The following CGNL1 variants were observed in gnomAD, a reference collection of about 807,000 sequenced individuals.
CGNL1 encodes cingulin like 1, also known as cingulin-like protein 1.
CGNL1 carries 132 observed loss-of-function variants against 141.2 expected under a neutral mutation model. The observed-to-expected ratio is 0.93, with a 90% CI of 0.81 to 1.08. The LOEUF (loss-of-function observed/expected upper bound fraction) is 1.08, where lower values mean the gene tolerates loss of function less well. Among genes scored for constraint, CGNL1 ranks in the 50% least tolerant of loss-of-function variants. The probability of loss-of-function intolerance (pLI) is 0.00; values close to 1 mark genes in which losing one functional copy is unlikely to be tolerated. For missense variants in CGNL1, 1,870 were observed against 1,588.6 expected (o/e 1.18, Z -3.01); for synonymous variants, 690 against 622.1 (o/e 1.11, Z -1.63).
At chr15:57,409,738 G>T (rs2062764875) in intron 1 of CGNL1, among the ~76,000 whole-genome samples, 1 of 152,178 alleles carries the variant, frequency 6.6e-6, no homozygotes, top group African/African-American at 2.4e-5. Context: ...GTCGGGCTGG[G>T]ACTGATAGGA....
At chr15:57,466,929 A>G (rs2063517690) in intron 8 of CGNL1, among the ~76,000 whole-genome samples, 1 of 152,206 alleles carries the variant, frequency 6.6e-6, no homozygotes, top group African/African-American at 2.4e-5. Flanking sequence ...CTTTTGGGCC[A>G]TTAGGCACTT....
At chr15:57,455,613 C>G (rs1385524348) in intron 7 of CGNL1, among the ~76,000 whole-genome samples, 1 of 152,164 alleles carries the variant, frequency 6.6e-6, no homozygotes, top group Non-Finnish European at 1.5e-5. Context: ...TCACATCTAG[C>G]ACAGTGCCAA....
intron 8 of CGNL1, among the ~76,000 whole-genome samples, chr15:57,496,434 A>G (rs1052078107): frequency 6.6e-6 from 1 of 152,140 alleles, no homozygotes; most frequent in African/African-American, 2.4e-5. Context: ...TCTAGGTTGC[A>G]TTCTCGTTAT....
chr15:57,499,287 C>T (rs11629589), intron 8 of CGNL1, among the ~76,000 whole-genome samples: 90,031 of 144,212 alleles, frequency 0.62, 29,951 homozygotes, highest in Non-Finnish European at 0.76. Flanking sequence ...ACTGTGTCAC[C>T]CAGGCTGTAA....
At chr15:57,452,324 A>G in intron 6 of CGNL1, 35 bp downstream of exon 6, 1 of 1,597,378 alleles carries the variant, frequency 6.3e-7, no homozygotes, top group South Asian at 1.1e-5. Context: ...TGCCCTTCCC[A>G]GGTTCTCTAT....
chr15:57,461,584 G>A, intron 7 of CGNL1, 96 bp from the exon 8 acceptor site: 1 of 985,290 alleles, frequency 1.0e-6, no homozygotes, highest in East Asian at 2.4e-5. Context: ...CAGGTGAGAT[G>A]GCTGTGCACA....
intron 8 of CGNL1, among the ~76,000 whole-genome samples, chr15:57,470,948 G>C (rs1165243892): frequency 3.9e-5 from 6 of 152,152 alleles, no homozygotes; most frequent in African/African-American, 1.4e-4. Context: ...AGAAAGAAAC[G>C]TTCCTCTTCG....
chr15:57,448,139 T>G (rs1244893690), intron 4 of CGNL1, among the ~76,000 whole-genome samples: 5 of 151,958 alleles, frequency 3.3e-5, no homozygotes, highest in Admixed American at 2.6e-4. Context: ...AGATCCCATC[T>G]CTACAAAAAC....
intron 1 of CGNL1, among the ~76,000 whole-genome samples, 189 bp downstream of exon 1, chr15:57,376,756 A>ACTCCCGCGCCGCGCCCCGCC (rs1421609284): frequency 1.2e-4 from 17 of 144,614 alleles, no homozygotes; most frequent in African/African-American, 4.2e-4. Context: ...TGCGACCCGG[A>ACTCCCGCGCCGCGCCCCGCC]CTCCCGCGCC....
At chr15:57,459,604 G>C (rs904346234) in intron 7 of CGNL1, among the ~76,000 whole-genome samples, 14 of 152,228 alleles carry the variant, frequency 9.2e-5, no homozygotes, top group African/African-American at 2.4e-4. Flanking sequence ...CTGTAGGTGA[G>C]AGCCTGGATG....
In CGNL1 at chr15:57,544,488, A is replaced by G; in HGVS notation, c.3391A>G (p.Ser1131Gly). 2 of 1,614,048 alleles carry G rather than the reference A, an allele frequency of 1.2e-6. No individual in the cohort carries two copies. The highest frequency in any genetic ancestry group is 1.3e-5 in the African/African-American group (1 of 75,054). The change falls in exon 16 of 19, where the codon AGC becomes GGC. Residue 1131 changes from serine (S) to glycine (G), a missense_variant. By Grantham distance (56) the Ser-to-Gly change is moderately conservative. Transcript: ENST00000281282. ...GTTGTTCCAGAACAAGGACTTAAAGAGCCGGATTATCCACCTGGAAGGTTC... is the reference window on the plus strand; with the variant it reads ...GTTGTTCCAGAACAAGGACTTAAAGGGCCGGATTATCCACCTGGAAGGTTC... ...SLERQNKDLKSRIIHLEGSYR... is the reference protein window; with the variant it reads ...SLERQNKDLKGRIIHLEGSYR...
In CGNL1 at chr15:57,518,411, G is replaced by A. The variant is rs757291822; in HGVS notation, c.2629G>A (p.Glu877Lys). ...ATTGTAGGGAGAAATACGACAGTTA[G>A]AGGAGGCCCTTGTGCACGCCAGAAA... Reference protein sequence around the residue: ...KKYEGEIRQLEEALVHARKEE... With the variant: ...KKYEGEIRQLKEALVHARKEE... The change falls in exon 10 of 19, where the codon GAG becomes AAG. Residue 877 changes from glutamate (E) to lysine (K), a missense_variant. Glu to Lys is a moderately conservative substitution (Grantham distance 56). Transcript: ENST00000281282. 8 of 1,613,322 alleles carry A rather than the reference G, an allele frequency of 5.0e-6. No individual in the cohort carries two copies. The East Asian group carries it at 8.9e-5, about 18-fold the overall frequency.
At chr15:57,487,889 G>A (rs1215453308) in intron 8 of CGNL1, among the ~76,000 whole-genome samples, 3 of 152,210 alleles carry the variant, frequency 2.0e-5, no homozygotes, top group African/African-American at 7.2e-5. Context: ...GAGGGTACAA[G>A]GTTTTGCATG....
chr15:57,495,904 A>G (rs1187457804), intron 8 of CGNL1, among the ~76,000 whole-genome samples: 2 of 124,634 alleles, frequency 1.6e-5, no homozygotes, highest in Admixed American at 1.8e-4. Flanking sequence ...GGAAGCACAT[A>G]AAGCAACTAA....
intron 1 of CGNL1, among the ~76,000 whole-genome samples, chr15:57,399,843 C>G (rs2062640326): frequency 6.6e-6 from 1 of 152,016 alleles, no homozygotes; most frequent in Non-Finnish European, 1.5e-5. Flanking sequence ...ATGGTGAGAC[C>G]CCATCTCCAT....
Position 57,480,550 on chromosome 15 carries a change from T to A in CGNL1, c.2403+18658T>A, listed in dbSNP as rs1033518757. 4.6e-5 allele frequency among the ~76,000 whole-genome samples: 7 copies of A among 152,128 alleles called. No homozygotes were observed. In the South Asian group the frequency reaches 1.2e-3, roughly 27 times the overall value. On this transcript the variant is annotated intron_variant, in intron 8 of 18. Coordinates refer to ENST00000281282, the MANE Select transcript of CGNL1 (RefSeq NM_032866.5). ...AAGAAAAAAAGAAAGAAAATATGCA[T>A]TGAATGTAATACTTTAAAAAGTTAC...
chr15:57,523,411 T>C, intron 10 of CGNL1, 78 bp from the exon 11 acceptor site: 1 of 1,338,500 alleles, frequency 7.5e-7, no homozygotes, highest in South Asian at 1.3e-5. Context: ...AGTGTGACTA[T>C]GAAGTTCCCT....
chr15:57,419,224 T>G (rs1391676549), intron 1 of CGNL1, among the ~76,000 whole-genome samples: 1 of 152,184 alleles, frequency 6.6e-6, no homozygotes, highest in Non-Finnish European at 1.5e-5. Context: ...CCACCGCGCC[T>G]GGCCTCCCTT....
At chr15:57,511,740 C>T (rs1237092644) in intron 8 of CGNL1, among the ~76,000 whole-genome samples, 1 of 152,148 alleles carries the variant, frequency 6.6e-6, no homozygotes, top group Non-Finnish European at 1.5e-5. Flanking sequence ...TTACTTTTGC[C>T]TTTGTGGTGA....
Sources: allele counts gnomAD v4.1 joint callset (sites outside exome capture counted in the v4.1 genomes callset), GRCh38; gene constraint gnomAD v4.1.1; transcripts MANE v1.5; gene names NCBI Gene and HGNC (gene_info 2026-07-23, HGNC 2026-07-21).